The following ADAM22 variants were observed in gnomAD, a reference collection of about 807,000 sequenced individuals.
ADAM22 encodes the protein ADAM metallopeptidase domain 22, also known as disintegrin and metalloproteinase domain-containing protein 22.
A neutral mutation model predicts 144.6 loss-of-function variants in ADAM22; 65 were observed. The observed-to-expected ratio is 0.45, with a 90% CI of 0.37 to 0.55. The LOEUF is 0.55. ADAM22 is among the 20% of genes least tolerant of loss of function. The pLI, the probability that ADAM22 is intolerant of heterozygous loss-of-function variation, is 0.00. For missense variants in ADAM22, 974 were observed against 1,184.9 expected (o/e 0.82, Z 2.61); for synonymous variants, 391 against 412.6 (o/e 0.95, Z 0.63).
intron 17 of ADAM22, among the ~76,000 whole-genome samples, chr7:88,145,823 G>T (rs1172235489): frequency 6.6e-6 from 1 of 152,180 alleles, no homozygotes; most frequent in African/African-American, 2.4e-5. Flanking sequence ...TTTCTGTGGA[G>T]CATGCACATT....
rs188721263 is a variant in ADAM22, at chr7:87,978,346, T to C, written c.257T>C (p.Val86Ala). 1 of 1,613,444 alleles carries C rather than the reference T, an allele frequency of 6.2e-7. No individual in the cohort carries two copies. Residue 86 changes from valine (V) to alanine (A), a missense_variant, in exon 3 of 32, where the codon GTT (valine) becomes GCT (alanine). Coordinates refer to ENST00000413139, the MANE Select transcript of ADAM22 (RefSeq NM_001324418.2). ...TTTTTGATATTGTAGTTGACTCATG[T>C]TGACCAAGCAAGCTTCCAGGTTGAT... The part of the protein sequence containing the change: ...GDLGGPQLTH[V>A]DQASFQVDAF...
chr7:88,079,329 A>T (rs1260775003), intron 4 of ADAM22, among the ~76,000 whole-genome samples: 5 of 152,208 alleles, frequency 3.3e-5, no homozygotes, highest in African/African-American at 1.2e-4. Context: ...CCTGCCCTAC[A>T]AGAGCTCCTG....
chr7:88,134,520 A>G (rs1292718497), intron 13 of ADAM22, 101 bp downstream of exon 13: 6 of 765,218 alleles, frequency 7.8e-6, no homozygotes, highest in Non-Finnish European at 1.0e-5. Context: ...GATGAAAGGA[A>G]TTTGAACGAT....
At chr7:88,141,711 A>G (rs1834733260) in intron 14 of ADAM22, among the ~76,000 whole-genome samples, 1 of 152,218 alleles carries the variant, frequency 6.6e-6, no homozygotes, top group Non-Finnish European at 1.5e-5. Flanking sequence ...CTTCAATACT[A>G]TGATCATTAA....
chr7:88,196,355 T>G (rs1850666860), intron 31 of ADAM22, 116 bp from the exon 32 acceptor site: 1 of 1,188,870 alleles, frequency 8.4e-7, no homozygotes, highest in East Asian at 2.3e-5. Context: ...TGCAAGAGTG[T>G]GCATCCACAA....
At chr7:88,116,637 A>C in intron 6 of ADAM22, 108 bp from the exon 7 acceptor site, 1 of 825,842 alleles carries the variant, frequency 1.2e-6, no homozygotes, top group Non-Finnish European at 2.0e-6. Context: ...AACCCAGGAG[A>C]ATGCATAGGC....
At chr7:88,031,081 A>T (rs1211838909) in intron 3 of ADAM22, among the ~76,000 whole-genome samples, 1 of 152,138 alleles carries the variant, frequency 6.6e-6, no homozygotes, top group Non-Finnish European at 1.5e-5. Flanking sequence ...GCGCCACTGC[A>T]CTCCAGCCTG....
In ADAM22 at chr7:88,087,068, G is replaced by A. The variant is rs117722718; in HGVS notation, c.390+11376G>A. Among the ~76,000 whole-genome samples, 1,422 of 152,090 alleles carry A rather than the reference G, an allele frequency of 9.3e-3. 6 individuals are homozygous for A. The highest frequency in any genetic ancestry group is 0.016 in the Non-Finnish European group (1,104 of 67,970). On this transcript the variant is annotated intron_variant, in intron 4 of 31. Transcript: ENST00000413139. Reference sequence around the variant, plus strand: ...AAGATATACAACTTGTGAAAGTAACGTAGTAAGGAGTAATAAAGCTGCAGT... The same window carrying A: ...AAGATATACAACTTGTGAAAGTAACATAGTAAGGAGTAATAAAGCTGCAGT...
chr7:87,943,184 CT>C (rs1284926523), intron 2 of ADAM22, among the ~76,000 whole-genome samples: 2 of 149,368 alleles, frequency 1.3e-5, no homozygotes, highest in East Asian at 1.9e-4. Flanking sequence ...TAATATATAA[CT>C]TTTTTTGTCA....
At chr7:88,021,427 G>A (rs1277850795) in intron 3 of ADAM22, among the ~76,000 whole-genome samples, 1 of 152,208 alleles carries the variant, frequency 6.6e-6, no homozygotes, top group African/African-American at 2.4e-5. Flanking sequence ...CCAAAGGTTT[G>A]CTGAGGGTCA....
chr7:88,019,952 A>G (rs1797423641), intron 3 of ADAM22, among the ~76,000 whole-genome samples: 1 of 151,746 alleles, frequency 6.6e-6, no homozygotes. Context: ...ATGATAAAAA[A>G]CTACATTAGT....
At chr7:88,151,836 T>A (rs1197379692) in intron 20 of ADAM22, among the ~76,000 whole-genome samples, 1 of 152,160 alleles carries the variant, frequency 6.6e-6, no homozygotes, top group African/African-American at 2.4e-5. Context: ...CAGAAAGAAA[T>A]GTTAATGTTT....
intron 2 of ADAM22, among the ~76,000 whole-genome samples, chr7:87,956,989 ATTTCATTTTC>A (rs1846940276): frequency 6.6e-6 from 1 of 152,058 alleles, no homozygotes; most frequent in South Asian, 2.1e-4. Flanking sequence ...GTTCTGTTCT[ATTTCATTTTC>A]TTTAAAACCC....
At chr7:88,162,889 T>C in intron 22 of ADAM22, 123 bp from the exon 23 acceptor site, 1 of 940,694 alleles carries the variant, frequency 1.1e-6, no homozygotes, top group South Asian at 1.6e-5. Flanking sequence ...CTTATGCTAC[T>C]GGTCTTTAAT....
intron 3 of ADAM22, among the ~76,000 whole-genome samples, chr7:88,028,813 G>A (rs1226054128): frequency 6.6e-6 from 1 of 151,922 alleles, no homozygotes; most frequent in Non-Finnish European, 1.5e-5. Flanking sequence ...TCTGACATAA[G>A]TATAGCTACT....
chr7:88,130,322 T>C, intron 9 of ADAM22, 66 bp from the exon 10 acceptor site: 2 of 1,289,862 alleles, frequency 1.6e-6, no homozygotes, highest in Non-Finnish European at 1.1e-6. Context: ...CACCATGTTT[T>C]CTCTGATGAG....
chr7:88,023,769 T>C (rs1340627932), intron 3 of ADAM22, among the ~76,000 whole-genome samples: 1 of 152,150 alleles, frequency 6.6e-6, no homozygotes, highest in Non-Finnish European at 1.5e-5. Flanking sequence ...TGCTATCAAA[T>C]ATTAGATTTT....
intron 3 of ADAM22, among the ~76,000 whole-genome samples, chr7:88,007,357 C>A (rs1228014627): frequency 6.6e-6 from 1 of 152,188 alleles, no homozygotes; most frequent in African/African-American, 2.4e-5. Context: ...CCATCCCCAT[C>A]AAGCTACCAA....
intron 3 of ADAM22, among the ~76,000 whole-genome samples, chr7:88,038,332 A>G (rs1459361244): frequency 6.6e-6 from 1 of 152,182 alleles, no homozygotes; most frequent in Non-Finnish European, 1.5e-5. Context: ...TGGTTGTCAG[A>G]CATATTCACT....
Sources: allele counts gnomAD v4.1 joint callset (sites outside exome capture counted in the v4.1 genomes callset), GRCh38; gene constraint gnomAD v4.1.1; transcripts MANE v1.5; gene names NCBI Gene and HGNC (gene_info 2026-07-23, HGNC 2026-07-21).